Variants in FAM135B observed in about 807,000 individuals in gnomAD.
FAM135B encodes the protein protein FAM135B.
A neutral mutation model predicts 127.7 loss-of-function variants in FAM135B; 43 were observed. The ratio of observed to expected loss-of-function variants is 0.34; its 90% CI spans 0.26 to 0.43. The LOEUF (loss-of-function observed/expected upper bound fraction) is 0.43. Ranked by LOEUF, FAM135B falls within the 20% of genes least tolerant of loss-of-function variation. The pLI is 1.00. For synonymous variants in FAM135B, 670 were observed against 665.1 expected (o/e 1.01, Z -0.11); for missense variants, 1,558 against 1,725.6 (o/e 0.90, Z 1.72).
At chr8:138,478,797 A>G (rs188209517) in intron 1 of FAM135B, among the ~76,000 whole-genome samples, 8 of 152,304 alleles carry the variant, frequency 5.3e-5, no homozygotes, top group Non-Finnish European at 1.2e-4. Context: ...GGAAAAACAA[A>G]CCATTTTTCA....
intron 1 of FAM135B, among the ~76,000 whole-genome samples, chr8:138,381,233 C>G (rs577726171): frequency 6.6e-6 from 1 of 152,158 alleles, no homozygotes; most frequent in Non-Finnish European, 1.5e-5. Context: ...CTACCACAAA[C>G]AAACCCTCTC....
chr8:138,213,987 A>G (rs1369288894), intron 7 of FAM135B, among the ~76,000 whole-genome samples: 1 of 152,054 alleles, frequency 6.6e-6, no homozygotes, highest in Admixed American at 6.6e-5. Flanking sequence ...CCAGGGACCA[A>G]AGCCTGATCA....
At chr8:138,183,466 T>C (rs1563740817) in intron 9 of FAM135B, among the ~76,000 whole-genome samples, 2 of 152,144 alleles carry the variant, frequency 1.3e-5, no homozygotes, top group Non-Finnish European at 2.9e-5. Context: ...ACTGCATGTA[T>C]TACAACAGCA....
intron 19 of FAM135B, among the ~76,000 whole-genome samples, chr8:138,134,580 C>G (rs1319427801): frequency 6.6e-6 from 1 of 151,958 alleles, no homozygotes; most frequent in Non-Finnish European, 1.5e-5. Flanking sequence ...GGCAAATTAT[C>G]TACATGACAA....
At chr8:138,466,210 G>C (rs886374268) in intron 1 of FAM135B, among the ~76,000 whole-genome samples, 3 of 152,186 alleles carry the variant, frequency 2.0e-5, no homozygotes, top group Admixed American at 6.5e-5. Flanking sequence ...AAGGCCCTCT[G>C]AATCAAGAAG....
At chr8:138,138,864 G>C (rs1816884140) in intron 18 of FAM135B, 122 bp downstream of exon 18, 2 of 662,850 alleles carry the variant, frequency 3.0e-6, no homozygotes, top group Non-Finnish European at 5.4e-6. Context: ...GGCTTTGAGT[G>C]CTGGGCCTCC....
At chr8:138,147,845 C>T (rs1817781352) in intron 14 of FAM135B, among the ~76,000 whole-genome samples, 1 of 152,154 alleles carries the variant, frequency 6.6e-6, no homozygotes, top group African/African-American at 2.4e-5. Flanking sequence ...AGTCTTATCT[C>T]ATTTTACTTT....
intron 3 of FAM135B, among the ~76,000 whole-genome samples, chr8:138,275,840 C>T (rs1025803499): frequency 5.3e-5 from 8 of 152,156 alleles, no homozygotes; most frequent in African/African-American, 1.7e-4. Flanking sequence ...GAGGACTGAA[C>T]ACAGAGCTGA....
At chr8:138,289,146 A>T (rs1484284541) in intron 3 of FAM135B, among the ~76,000 whole-genome samples, 1 of 152,172 alleles carries the variant, frequency 6.6e-6, no homozygotes, top group Admixed American at 6.5e-5. Context: ...TTCTCTGTAG[A>T]TGGAAACCTC....
chr8:138,275,023 A>C (rs1823709941), intron 3 of FAM135B, among the ~76,000 whole-genome samples: 1 of 152,218 alleles, frequency 6.6e-6, no homozygotes, highest in South Asian at 2.1e-4. Context: ...AAGTAAAGAC[A>C]GGCATAGGAA....
intron 7 of FAM135B, among the ~76,000 whole-genome samples, chr8:138,219,886 A>G (rs1472803886): frequency 6.6e-6 from 1 of 152,154 alleles, no homozygotes; most frequent in Non-Finnish European, 1.5e-5. Context: ...ATTCATATGA[A>G]CTATTCATAG....
chr8:138,320,578 C>T (rs951944018), intron 2 of FAM135B, among the ~76,000 whole-genome samples: 3 of 152,170 alleles, frequency 2.0e-5, no homozygotes, highest in Non-Finnish European at 2.9e-5. Context: ...CTACTATTTA[C>T]TTCTTTTGTA....
chr8:138,179,036 C>T (rs1814752575), intron 9 of FAM135B, among the ~76,000 whole-genome samples: 1 of 152,190 alleles, frequency 6.6e-6, no homozygotes, highest in African/African-American at 2.4e-5. Flanking sequence ...ACAGCTTACT[C>T]TTAGATTTCC....
chr8:138,380,219 A>G (rs888792482), intron 1 of FAM135B, among the ~76,000 whole-genome samples: 4 of 150,868 alleles, frequency 2.7e-5, no homozygotes, highest in African/African-American at 9.8e-5. Flanking sequence ...TTTTTTTGAG[A>G]CAGAGTCTTG....
intron 7 of FAM135B, among the ~76,000 whole-genome samples, chr8:138,217,851 G>A (rs541864443): frequency 7.0e-4 from 106 of 152,192 alleles, no homozygotes; most frequent in Admixed American, 1.5e-3. Flanking sequence ...TAGCAGTGGA[G>A]ACAAAGTAGG....
rs2130731447 is a variant in FAM135B at position 138,151,487 on chromosome 8, C to T, written c.2988G>A (p.Gln996=). 6.2e-7 allele frequency: 1 copy of T among 1,614,220 alleles called. No individual in the cohort carries two copies. The highest frequency in any genetic ancestry group is 8.5e-7 in the Non-Finnish European group (1 of 1,180,044). The stretch of plus-strand genomic sequence containing the variant: ...CCTTCAGCTCTTGGTTTTTCAAAAC[C>T]TGGGAATGAACGGAATGGGTCACAG... The part of the protein sequence containing the change: ...CPTVTHSVHS[Q]VLKNQELKAG... The change falls in exon 13 of 20, where the codon CAG becomes CAA. Residue 996 remains glutamine, a synonymous_variant. Coordinates refer to ENST00000395297, the MANE Select transcript of FAM135B (RefSeq NM_015912.4).
chr8:138,208,827 A>C (rs1817911534), intron 7 of FAM135B, among the ~76,000 whole-genome samples: 1 of 152,348 alleles, frequency 6.6e-6, no homozygotes, highest in African/African-American at 2.4e-5. Flanking sequence ...TAAACTAGTA[A>C]ATTAGTCAAT....
rs751104528 is a variant in FAM135B at position 138,152,958 on chromosome 8, T to C, written c.1517A>G (p.Glu506Gly). The C allele has an allele frequency of 2.5e-6, 4 of 1,614,088 alleles. No homozygotes were observed. In the African/African-American group the frequency reaches 5.3e-5, roughly 22 times the overall value. The change falls in exon 13 of 20, where the codon GAA becomes GGA. Residue 506 changes from glutamate to glycine, a missense_variant. Physicochemically the swap from Glu to Gly is moderately conservative, Grantham distance 98 (BLOSUM62 -2). Transcript: ENST00000395297. ...SESQVYISIG[E>G]FQNKAGVPED... ...AGGCACACCTGCTTTGTTTTGAAAT[T>C]CACCAATTGATATATACACCTGAGA...
chr8:138,453,883 A>C (rs1836631441), intron 1 of FAM135B, among the ~76,000 whole-genome samples: 1 of 152,182 alleles, frequency 6.6e-6, no homozygotes, highest in African/African-American at 2.4e-5. Context: ...AGATTAAATT[A>C]TGTAATCCTC....
Sources: gnomAD v4.1 joint callset for allele counts (sites outside exome capture counted in the v4.1 genomes callset) on GRCh38, gnomAD v4.1.1 for gene constraint, MANE v1.5 for transcripts, NCBI Gene and HGNC (gene_info 2026-07-23, HGNC 2026-07-21) for gene names.